The following MINAR2 variants were observed in gnomAD, a reference collection of about 807,000 sequenced individuals.
MINAR2 encodes the protein major intrinsically disordered NOTCH2-binding receptor 1-like.
In MINAR2, 21 loss-of-function variants were observed where a neutral mutation model predicts 16.1. That is an observed-to-expected ratio of 1.31 (90% confidence interval 0.93 to 1.88). The LOEUF is 1.88. Among genes scored for constraint, MINAR2 ranks in the 40% most tolerant of loss-of-function variants. The pLI is 0.00. For synonymous variants in MINAR2, 86 were observed against 83.0 expected, an observed-to-expected ratio of 1.04 and a Z score of -0.20; for missense variants, 259 against 229.8, an observed-to-expected ratio of 1.13 and a Z score of -0.82.
chr5:129,748,407 C>T, intron 1 of MINAR2, 52 bp downstream of exon 1: 1 of 1,501,216 alleles, frequency 6.7e-7, no homozygotes, highest in Non-Finnish European at 8.9e-7. Flanking sequence ...TTCTTTCTCG[C>T]TATCTGCCAT....
chr5:129,750,452 T>G (rs1487477880), intron 1 of MINAR2, among the ~76,000 whole-genome samples: 1 of 152,162 alleles, frequency 6.6e-6, no homozygotes. Context: ...ATAAAGAAGT[T>G]AGAAACTTGG....
intron 1 of MINAR2, among the ~76,000 whole-genome samples, chr5:129,756,987 CACACATATAT>C (rs1031344128): frequency 4.4e-5 from 6 of 137,474 alleles, no homozygotes; most frequent in Non-Finnish European, 7.8e-5. Flanking sequence ...TATGTATATA[CACACATATAT>C]ACACATATGT....
chr5:129,764,896 G>T lies in MINAR2; in HGVS notation c.406G>T (p.Asp136Tyr). The T allele has an allele frequency of 7.5e-7, 1 of 1,326,122 alleles. No homozygotes were observed. The highest frequency in any genetic ancestry group is 9.6e-7 in the Non-Finnish European group (1 of 1,037,046). 82.1% of individuals were successfully genotyped at this position (1,326,122 alleles called of 1,614,324 possible). A position where few individuals can be genotyped will look rare whatever the true frequency, so the allele number is the denominator to read the frequency against. ...AATTTTCTTTTAGGAAAATCCTAAT[G>T]ACCTGCGGTTTTGGTTGGGAGACAT... ...LSGHLKENPNDLRFWLGDMYT... is the reference protein window; with the variant it reads ...LSGHLKENPNYLRFWLGDMYT... The change falls in exon 3 of 3, where the codon GAC (aspartate) becomes TAC (tyrosine). Residue 136 changes from aspartate to tyrosine, a missense_variant. Coordinates refer to ENST00000564719, the MANE Select transcript of MINAR2 (RefSeq NM_001257308.2).
chr5:129,764,925 C>T lies in MINAR2; in HGVS notation c.435C>T (p.Tyr145=), dbSNP rs1332109702. 1 of 1,366,548 alleles carries T rather than the reference C, an allele frequency of 7.3e-7. No individual in the cohort carries two copies. Among genetic ancestry groups the T allele is most frequent in the Admixed American group, 3.1e-5 (1 of 31,966 alleles). The allele number at this position is 1,366,548 out of a possible 1,614,324, so 84.7% of individuals were successfully genotyped here. ...TGCGGTTTTGGTTGGGAGACATGTA[C>T]ACTCCAGGTTTTGACACTTTATTGA... ...NDLRFWLGDM[Y]TPGFDTLLKK... The change falls in exon 3 of 3, where the codon TAC becomes TAT. Residue 145 remains tyrosine (Y), a synonymous_variant. Coordinates refer to ENST00000564719, the MANE Select transcript of MINAR2 (RefSeq NM_001257308.2).
At chr5:129,757,986 C>A (rs1169499977) in intron 1 of MINAR2, among the ~76,000 whole-genome samples, 1 of 151,842 alleles carries the variant, frequency 6.6e-6, no homozygotes, top group African/African-American at 2.4e-5. Context: ...ATTTTGTACA[C>A]TTAATTTTCT....
intron 1 of MINAR2, among the ~76,000 whole-genome samples, chr5:129,756,329 C>CT (rs373525539): frequency 2.6e-4 from 38 of 148,790 alleles, no homozygotes; most frequent in African/African-American, 4.9e-4. Context: ...CTTCTTTATT[C>CT]TTTTTTTTTT....
chr5:129,757,053 T>C (rs1400255256), intron 1 of MINAR2, among the ~76,000 whole-genome samples: 1 of 147,206 alleles, frequency 6.8e-6, no homozygotes, highest in Non-Finnish European at 1.5e-5. Flanking sequence ...ATATATGCCA[T>C]ATGTATCACC....
chr5:129,758,200 G>A (rs1235572538), intron 1 of MINAR2, among the ~76,000 whole-genome samples: 1 of 151,942 alleles, frequency 6.6e-6, no homozygotes, highest in Non-Finnish European at 1.5e-5. Context: ...AATTAAAATA[G>A]TTGAATTACT....
chr5:129,751,879 G>A (rs1434515468), intron 1 of MINAR2, among the ~76,000 whole-genome samples: 1 of 152,040 alleles, frequency 6.6e-6, no homozygotes, highest in Non-Finnish European at 1.5e-5. Flanking sequence ...AAAATAATGT[G>A]TTTTTCAAAC....
At position 129,760,537 on chromosome 5, in the gene MINAR2, A is replaced by G; in HGVS notation, c.325A>G (p.Asn109Asp). 6.5e-7 allele frequency: 1 copy of G among 1,535,702 alleles called. No individual in the cohort carries two copies. The change falls in exon 2 of 3, where the codon AAC (asparagine) becomes GAC (aspartate). Residue 109 changes from asparagine to aspartate, a missense_variant. Physicochemically the swap from Asn to Asp is conservative, Grantham distance 23. Coordinates refer to ENST00000564719, the MANE Select transcript of MINAR2 (RefSeq NM_001257308.2). Reference protein sequence around the residue: ...LEEAMEERKKNPSWTIEEYDK... With the variant: ...LEEAMEERKKDPSWTIEEYDK... ...GGAAGCTATGGAAGAAAGAAAAAAG[A>G]ACCCCTCATGGACCATTGAGGAATA... is the stretch of plus-strand genomic sequence containing the variant.
chr5:129,764,496 A>G (rs1384921251), intron 2 of MINAR2, among the ~76,000 whole-genome samples: 5 of 152,208 alleles, frequency 3.3e-5, no homozygotes, highest in Non-Finnish European at 7.3e-5. Context: ...TTTTATTTCA[A>G]CTTACTATGC....
In MINAR2 at chr5:129,748,369, G is replaced by A. The variant is rs1204347775; in HGVS notation, c.165+14G>A. On this transcript the variant is annotated intron_variant, in intron 1 of 2. Transcript: ENST00000564719. ...GTCTACTCACAGGTAAGATCTAGGG[G>A]CACAAAAATACGGGGATGGAGGCTT... 2 of 1,529,320 alleles carry A rather than the reference G, an allele frequency of 1.3e-6. No homozygotes were observed. Among genetic ancestry groups the A allele is most frequent in the Non-Finnish European group, 1.7e-6 (2 of 1,144,564 alleles). 94.7% of individuals were successfully genotyped at this position (1,529,320 alleles called of 1,614,324 possible). A position where few individuals can be genotyped will look rare whatever the true frequency, so the allele number is the denominator to read the frequency against.
Position 129,748,505 on chromosome 5 carries a change from C to T in MINAR2, c.165+150C>T, listed in dbSNP as rs541134864. 161 of 708,160 alleles carry T rather than the reference C, an allele frequency of 2.3e-4. No individual in the cohort carries two copies. The African/African-American group carries it at 2.4e-3, about 11-fold the overall frequency. 43.9% of individuals were successfully genotyped at this position (708,160 alleles called of 1,614,324 possible). On this transcript the variant is annotated intron_variant, in intron 1 of 2. Coordinates refer to ENST00000564719, the MANE Select transcript of MINAR2 (RefSeq NM_001257308.2). ...AACTTAGTCTTTCTCTCTTCCTTAA[C>T]ATTAGGAACTTTTCTTTAATTTATT... is the stretch of plus-strand genomic sequence containing the variant.
At chr5:129,760,647 G>T (rs1349423188) in intron 2 of MINAR2, 42 bp downstream of exon 2, 30 of 1,379,116 alleles carry the variant, frequency 2.2e-5, no homozygotes, top group Non-Finnish European at 3.0e-5. Flanking sequence ...TGATAAGGGA[G>T]ATCAGTCAAA....
At chr5:129,759,333 T>C (rs1010304266) in intron 1 of MINAR2, among the ~76,000 whole-genome samples, 1 of 152,158 alleles carries the variant, frequency 6.6e-6, no homozygotes, top group African/African-American at 2.4e-5. Context: ...AATTAACTTA[T>C]ATGAAATCCC....
intron 1 of MINAR2, among the ~76,000 whole-genome samples, chr5:129,758,975 T>C (rs1758090463): frequency 6.8e-6 from 1 of 147,034 alleles, no homozygotes; most frequent in Admixed American, 6.9e-5. Context: ...CAAGTTGAGC[T>C]CTAAGTATGT....
intron 1 of MINAR2, among the ~76,000 whole-genome samples, chr5:129,748,742 T>C (rs772400682): frequency 1.3e-5 from 2 of 152,152 alleles, no homozygotes; most frequent in African/African-American, 2.4e-5. Flanking sequence ...GAAGTTTACA[T>C]TGTGGGCATA....
chr5:129,754,466 T>C (rs369257407), intron 1 of MINAR2, among the ~76,000 whole-genome samples: 1 of 152,200 alleles, frequency 6.6e-6, no homozygotes, highest in Non-Finnish European at 1.5e-5. Flanking sequence ...AGGATTACAC[T>C]GAATGCATAG....
At chr5:129,752,581 T>C (rs774640317) in intron 1 of MINAR2, among the ~76,000 whole-genome samples, 5 of 151,970 alleles carry the variant, frequency 3.3e-5, no homozygotes, top group Non-Finnish European at 7.4e-5. Context: ...CGGGGTTTAA[T>C]GGCAAGGGGA....
Sources: allele counts gnomAD v4.1 joint callset (sites outside exome capture counted in the v4.1 genomes callset), GRCh38; gene constraint gnomAD v4.1.1; transcripts MANE v1.5; gene names NCBI Gene and HGNC (gene_info 2026-07-23, HGNC 2026-07-21).